Variants in CNTN3 observed in about 807,000 individuals in gnomAD.
The protein encoded by CNTN3 is contactin-3.
In CNTN3, 60 loss-of-function variants were observed where a neutral mutation model predicts 119.1. The ratio of observed to expected loss-of-function variants is 0.50; its 90% CI spans 0.41 to 0.62. CNTN3 has a LOEUF of 0.62. CNTN3 is among the 20% of genes least tolerant of loss of function. The probability of loss-of-function intolerance (pLI) is 0.00; values close to 1 mark genes in which losing one functional copy is unlikely to be tolerated. For synonymous variants in CNTN3, 450 were observed against 438.7 expected (o/e 1.03, Z -0.32); for missense variants, 1,101 against 1,242.4 (o/e 0.89, Z 1.71).
chr3:74,382,614 T>C (rs907113148), intron 5 of CNTN3, among the ~76,000 whole-genome samples: 2 of 152,166 alleles, frequency 1.3e-5, no homozygotes, highest in Non-Finnish European at 2.9e-5. Context: ...TGAGGTCATG[T>C]GATATTTGTC....
intron 1 of CNTN3, among the ~76,000 whole-genome samples, chr3:74,580,055 A>C (rs1704478400): frequency 6.6e-6 from 1 of 152,212 alleles, no homozygotes; most frequent in South Asian, 2.1e-4. Flanking sequence ...GAAAAGGGCA[A>C]CATCACAACA....
intron 1 of CNTN3, among the ~76,000 whole-genome samples, chr3:74,580,035 A>C (rs1704478117): frequency 6.6e-6 from 1 of 152,174 alleles, no homozygotes; most frequent in Non-Finnish European, 1.5e-5. Context: ...GCAAAATCCA[A>C]GTGCAGGATG....
At chr3:74,542,986 G>C (rs747502613) in intron 1 of CNTN3, among the ~76,000 whole-genome samples, 3 of 152,066 alleles carry the variant, frequency 2.0e-5, no homozygotes, top group Non-Finnish European at 4.4e-5. Flanking sequence ...AGCCAGGCAT[G>C]GTGGCATGTG....
At chr3:74,374,271 AC>A in intron 5 of CNTN3, among the ~76,000 whole-genome samples, 1 of 140,412 alleles carries the variant, frequency 7.1e-6, no homozygotes, top group East Asian at 2.1e-4. Flanking sequence ...CTGCTCCTTC[AC>A]CTTTTTTCCA....
rs562243731 is a variant in CNTN3 at position 74,290,852 on chromosome 3, C to T, written c.2517+4269G>A. 1.9e-3 allele frequency among the ~76,000 whole-genome samples: 294 copies of T among 152,006 alleles called. 3 individuals are homozygous for T. The highest frequency in any genetic ancestry group is 6.8e-3 in the African/African-American group (283 of 41,472). The stretch of plus-strand genomic sequence containing the variant: ...GACTACAGGCACCTGCCACTACGCC[C>T]GGCTAATTTTTTGTATTTTTATTTA... On this transcript the variant is annotated intron_variant, in intron 19 of 22. Transcript: ENST00000263665.
At chr3:74,274,000 A>G (rs1192337837) in intron 20 of CNTN3, among the ~76,000 whole-genome samples, 1 of 151,894 alleles carries the variant, frequency 6.6e-6, no homozygotes, top group Non-Finnish European at 1.5e-5. Flanking sequence ...GGCCCTTTGG[A>G]TTGCGTGGGA....
intron 8 of CNTN3, among the ~76,000 whole-genome samples, chr3:74,367,190 A>T (rs1704217515): frequency 6.6e-6 from 1 of 152,024 alleles, no homozygotes; most frequent in Non-Finnish European, 1.5e-5. Context: ...ATTGATGTTA[A>T]ATAGAAATTG....
intron 2 of CNTN3, among the ~76,000 whole-genome samples, chr3:74,515,019 T>C (rs957111595): frequency 3.3e-5 from 5 of 152,066 alleles, no homozygotes; most frequent in South Asian, 2.1e-4. Context: ...TATTTTCTTA[T>C]GTTCAAGCTT....
chr3:74,394,780 T>C (rs1419144105), intron 5 of CNTN3, among the ~76,000 whole-genome samples: 1 of 151,308 alleles, frequency 6.6e-6, no homozygotes, highest in Non-Finnish European at 1.5e-5. Flanking sequence ...AAACCACTGC[T>C]TTCTTTCAAC....
intron 1 of CNTN3, among the ~76,000 whole-genome samples, chr3:74,534,852 T>G (rs1349290386): frequency 6.6e-6 from 1 of 151,798 alleles, no homozygotes; most frequent in African/African-American, 2.4e-5. Context: ...AAAACAACAG[T>G]TACTTTTGCA....
At chr3:74,308,972 C>T (rs1702622779) in intron 13 of CNTN3, among the ~76,000 whole-genome samples, 1 of 152,098 alleles carries the variant, frequency 6.6e-6, no homozygotes. Flanking sequence ...TTTAAATGCT[C>T]ACTAAGCTGG....
At chr3:74,452,386 A>G (rs1231002216) in intron 4 of CNTN3, among the ~76,000 whole-genome samples, 2 of 132,298 alleles carry the variant, frequency 1.5e-5, no homozygotes, top group Non-Finnish European at 3.2e-5. Flanking sequence ...ACTTTGCTGA[A>G]GTTGCTTATC....
intron 1 of CNTN3, among the ~76,000 whole-genome samples, chr3:74,562,907 G>A (rs1295760066): frequency 1.3e-5 from 2 of 152,248 alleles, no homozygotes; most frequent in Non-Finnish European, 2.9e-5. Flanking sequence ...ACCCCACAGT[G>A]AGCTAGTATT....
At chr3:74,577,388 C>T (rs1262194497) in intron 1 of CNTN3, among the ~76,000 whole-genome samples, 1 of 152,142 alleles carries the variant, frequency 6.6e-6, no homozygotes, top group Non-Finnish European at 1.5e-5. Context: ...CCACAATTGG[C>T]TACCCAGCAT....
intron 5 of CNTN3, 45 bp from the exon 6 acceptor site, chr3:74,371,444 C>G: frequency 7.0e-7 from 1 of 1,431,170 alleles, no homozygotes; most frequent in Non-Finnish European, 9.8e-7. Flanking sequence ...TCATTAAGGA[C>G]AGTTTTCCAT....
chr3:74,466,301 C>G (rs1452649583), intron 4 of CNTN3, among the ~76,000 whole-genome samples: 4 of 152,130 alleles, frequency 2.6e-5, no homozygotes, highest in African/African-American at 9.7e-5. Flanking sequence ...CACACGGACT[C>G]AGGGCCTATT....
chr3:74,477,599 T>C (rs1023878316), intron 4 of CNTN3, among the ~76,000 whole-genome samples: 1 of 151,382 alleles, frequency 6.6e-6, no homozygotes, highest in Non-Finnish European at 1.5e-5. Flanking sequence ...GGATTAGGGG[T>C]GGTTAGGGAG....
rs180724334 is a variant in CNTN3 at position 74,492,924 on chromosome 3, G to C, written c.183-6293C>G. 5.0e-4 allele frequency among the ~76,000 whole-genome samples: 76 copies of C among 152,140 alleles called. 1 individual carries two copies. Among genetic ancestry groups the C allele is most frequent in the African/African-American group, 1.7e-3 (69 of 41,528 alleles). On this transcript the variant is annotated intron_variant, in intron 3 of 22. Transcript: ENST00000263665. ...AATCACTGTTGAATTTCTACCATCA[G>C]GCATCATATTTTGTACATGACAGGG...
chr3:74,488,027 ATAAT>A (rs997760919), intron 3 of CNTN3, among the ~76,000 whole-genome samples: 2 of 149,196 alleles, frequency 1.3e-5, no homozygotes, highest in Non-Finnish European at 3.0e-5. Context: ...ATTATACTGT[ATAAT>A]TATATAGTGT....
Sources: gnomAD v4.1 joint callset for allele counts (sites outside exome capture counted in the v4.1 genomes callset) on GRCh38, gnomAD v4.1.1 for gene constraint, MANE v1.5 for transcripts, NCBI Gene and HGNC (gene_info 2026-07-23, HGNC 2026-07-21) for gene names.